Variants in KAZN observed in about 807,000 individuals in gnomAD.
The protein encoded by KAZN is kazrin.
Under a neutral mutation model 87.4 loss-of-function variants are expected in KAZN, and 40 were observed. The ratio of observed to expected loss-of-function variants is 0.46; its 90% CI spans 0.36 to 0.60. The LOEUF is 0.60. KAZN is among the 20% of genes least tolerant of loss of function. KAZN has a pLI of 0.00. For synonymous variants in KAZN, 466 were observed against 458.3 expected (o/e 1.02, Z -0.22); for missense variants, 898 against 1,073.9 (o/e 0.84, Z 2.29).
chr1:14,416,555 G>A (rs547657067), intron 2 of KAZN, among the ~76,000 whole-genome samples: 1 of 152,136 alleles, frequency 6.6e-6, no homozygotes, highest in South Asian at 2.1e-4. Context: ...TGGTCAACAT[G>A]GTGAAAGCCC....
At chr1:14,848,058 C>T (rs570597722) in intron 1 of KAZN, among the ~76,000 whole-genome samples, 19 of 152,338 alleles carry the variant, frequency 1.2e-4, no homozygotes, top group African/African-American at 4.1e-4. Flanking sequence ...ATGAATGTCA[C>T]ATACGCATGA....
chr1:14,779,957 T>C (rs1183686216), intron 1 of KAZN, among the ~76,000 whole-genome samples: 1 of 152,232 alleles, frequency 6.6e-6, no homozygotes, highest in East Asian at 1.9e-4. Flanking sequence ...ATGATGATTT[T>C]GCAATAACAG....
chr1:14,325,374 G>T (rs560108439), intron 2 of KAZN, among the ~76,000 whole-genome samples: 62 of 152,202 alleles, frequency 4.1e-4, no homozygotes, highest in Non-Finnish European at 7.9e-4. Flanking sequence ...TACATTTCCG[G>T]ATTAGCTTTA....
intron 2 of KAZN, among the ~76,000 whole-genome samples, chr1:14,568,304 C>A (rs951565779): frequency 2.0e-5 from 3 of 152,168 alleles, no homozygotes; most frequent in African/African-American, 7.2e-5. Context: ...ACAATCACGT[C>A]AGCTTGAAGA....
At chr1:14,880,257 G>A (rs754837678) in intron 1 of KAZN, among the ~76,000 whole-genome samples, 15 of 152,118 alleles carry the variant, frequency 9.9e-5, no homozygotes, top group Non-Finnish European at 1.8e-4. Context: ...CACGGTGCCT[G>A]CAATAACCCT....
At chr1:14,501,534 T>C (rs1670253681) in intron 2 of KAZN, among the ~76,000 whole-genome samples, 1 of 152,144 alleles carries the variant, frequency 6.6e-6, no homozygotes, top group Admixed American at 6.5e-5. Context: ...TAAAAACAAT[T>C]CCTTTTAGAT....
intron 1 of KAZN, chr1:14,924,107 G>C (rs1658861502): frequency 1.0e-6 from 1 of 981,780 alleles, no homozygotes; most frequent in African/African-American, 1.8e-5. Context: ...GGAAGGAGCG[G>C]GAGGAGGAGC....
At chr1:13,933,258 C>T (rs770516194) in intron 1 of KAZN, among the ~76,000 whole-genome samples, 3 of 151,722 alleles carry the variant, frequency 2.0e-5, no homozygotes, top group Admixed American at 6.6e-5. Context: ...TTTGGGAGGC[C>T]GAGGCGGGTG....
intron 8 of KAZN, among the ~76,000 whole-genome samples, chr1:15,082,967 A>G (rs1275432645): frequency 6.6e-6 from 1 of 152,168 alleles, no homozygotes; most frequent in African/African-American, 2.4e-5. Flanking sequence ...CTGGTAGCTG[A>G]CATCCCTGAT....
At chr1:14,152,923 G>A (rs1422064134) in intron 1 of KAZN, among the ~76,000 whole-genome samples, 2 of 152,070 alleles carry the variant, frequency 1.3e-5, no homozygotes, top group Non-Finnish European at 2.9e-5. Context: ...GTTTTGATTT[G>A]CATTTATCTG....
rs987901933 is a variant in KAZN, at chr1:14,168,246, T to G, written c.92-12189T>G. 2.0e-5 allele frequency among the ~76,000 whole-genome samples: 3 copies of G among 152,140 alleles called. 1 individual carries two copies. The highest frequency in any genetic ancestry group is 1.3e-4 in the Admixed American group (2 of 15,278). On this transcript the variant is annotated intron_variant, in intron 1 of 16. Coordinates refer to the KAZN transcript ENST00000636203. ...GTAACGCATTTTCTTGCAGCTTCTGTTGGGTCAAAGTGGAGTTGGCCTTGG... is the reference window on the plus strand; with the variant it reads ...GTAACGCATTTTCTTGCAGCTTCTGGTGGGTCAAAGTGGAGTTGGCCTTGG...
chr1:13,901,137 AC>A (rs1385196546), intron 1 of KAZN, among the ~76,000 whole-genome samples: 1 of 151,926 alleles, frequency 6.6e-6, no homozygotes, highest in Non-Finnish European at 1.5e-5. Context: ...AAAAACAGCC[AC>A]CCCCCGTCCC....
At chr1:14,364,447 C>A (rs895839461) in intron 2 of KAZN, among the ~76,000 whole-genome samples, 3 of 152,090 alleles carry the variant, frequency 2.0e-5, no homozygotes, top group African/African-American at 7.2e-5. Flanking sequence ...CATTTCTGAA[C>A]AAATGTTCAC....
intron 2 of KAZN, among the ~76,000 whole-genome samples, chr1:14,545,046 C>T (rs1157552633): frequency 5.3e-5 from 8 of 152,304 alleles, no homozygotes; most frequent in African/African-American, 1.4e-4. Context: ...AAGGGCCATA[C>T]AATAAACTTG....
chr1:13,942,456 C>T (rs548196882), intron 1 of KAZN, among the ~76,000 whole-genome samples: 44 of 140,016 alleles, frequency 3.1e-4, no homozygotes, highest in Non-Finnish European at 5.2e-4. Context: ...AGGAGAATGG[C>T]GTGAACCCGG....
In KAZN at chr1:14,736,254, G is replaced by GGTGTGT. The variant is rs528070001; in HGVS notation, c.226+137072_226+137077dup. Among the ~76,000 whole-genome samples, 1,131 of 115,264 alleles carry GGTGTGT rather than the reference G, an allele frequency of 9.8e-3. 10 individuals carry two copies. The highest frequency in any genetic ancestry group is 0.014 in the African/African-American group (427 of 31,138). 75.6% of individuals were successfully genotyped at this position (115,264 alleles called of 152,430 possible). On this transcript the variant is annotated intron_variant, in intron 1 of 14. Transcript: ENST00000376030. Reference sequence around the variant, plus strand: ...TGTTGGGGCTCATGTGGGACTCAAGGGTGTGTGTGTGTGTGTGTGTGTGTG... The same window carrying GGTGTGT: ...TGTTGGGGCTCATGTGGGACTCAAGGGTGTGTGTGTGTGTGTGTGTGTGTGTGTGTG...
intron 1 of KAZN, among the ~76,000 whole-genome samples, chr1:13,947,384 G>A (rs1049096402): frequency 5.3e-5 from 8 of 152,170 alleles, no homozygotes; most frequent in African/African-American, 1.9e-4. Flanking sequence ...CATGAGAACA[G>A]CATGGGGGAA....
At chr1:14,019,433 T>C (rs1457947727) in intron 1 of KAZN, among the ~76,000 whole-genome samples, 3 of 152,190 alleles carry the variant, frequency 2.0e-5, no homozygotes, top group Admixed American at 1.3e-4. Flanking sequence ...CTGGGGTATT[T>C]ATGGTCACTC....
At chr1:14,920,909 G>A (rs967933834) in intron 1 of KAZN, among the ~76,000 whole-genome samples, 1 of 152,042 alleles carries the variant, frequency 6.6e-6, no homozygotes, top group African/African-American at 2.4e-5. Flanking sequence ...ACATCTCCTG[G>A]GCTCAGGGCA....
Sources: gnomAD v4.1 joint callset for allele counts (sites outside exome capture counted in the v4.1 genomes callset) on GRCh38, gnomAD v4.1.1 for gene constraint, MANE v1.5 for transcripts, NCBI Gene and HGNC (gene_info 2026-07-23, HGNC 2026-07-21) for gene names.